The following PCDHGA2 variants were observed in gnomAD, a reference collection of about 807,000 sequenced individuals.
PCDHGA2 encodes protocadherin gamma-A2.
A neutral mutation model predicts 59.2 loss-of-function variants in PCDHGA2; 40 were observed. That is an observed-to-expected ratio of 0.68 (90% CI 0.52 to 0.88). PCDHGA2 has a LOEUF of 0.88. PCDHGA2 is among the 40% of genes least tolerant of loss of function. The pLI is 0.00. For synonymous variants in PCDHGA2, 560 were observed against 526.0 expected, an observed-to-expected ratio of 1.06 and a Z score of -0.89; for missense variants, 1,226 against 1,204.0, an observed-to-expected ratio of 1.02 and a Z score of -0.27.
intron 1 of PCDHGA2, chr5:141,345,772 G>C: frequency 6.2e-7 from 1 of 1,614,084 alleles, no homozygotes. Flanking sequence ...CTGGCGCCTC[G>C]CTCCGCAGAG....
At chr5:141,470,124 G>A (rs1038487398) in intron 1 of PCDHGA2, among the ~76,000 whole-genome samples, 4 of 151,358 alleles carry the variant, frequency 2.6e-5, no homozygotes, top group African/African-American at 9.7e-5. Flanking sequence ...GCAAGACTTC[G>A]TCTCAAAAAA....
At chr5:141,371,591 A>C (rs1767870788) in intron 1 of PCDHGA2, 2 of 1,614,016 alleles carry the variant, frequency 1.2e-6, no homozygotes, top group African/African-American at 2.7e-5. Context: ...AAGATACCAA[A>C]AACACATACA....
chr5:141,414,310 G>C, intron 1 of PCDHGA2: 1 of 1,613,722 alleles, frequency 6.2e-7, no homozygotes, highest in Non-Finnish European at 8.5e-7. Context: ...GCATGATTTA[G>C]ACTCTGAGCA....
At chr5:141,468,077 C>T (rs180732917) in intron 1 of PCDHGA2, among the ~76,000 whole-genome samples, 1 of 152,152 alleles carries the variant, frequency 6.6e-6, no homozygotes, top group East Asian at 1.9e-4. Flanking sequence ...GTAATCCCAG[C>T]ACTTTGGGAG....
intron 1 of PCDHGA2, among the ~76,000 whole-genome samples, chr5:141,492,922 T>C (rs1191111432): frequency 1.3e-5 from 2 of 152,194 alleles, no homozygotes; most frequent in Non-Finnish European, 2.9e-5. Context: ...TGCCCAGCGA[T>C]CTAGGGTCAG....
Position 141,341,281 on chromosome 5 carries a change from C to T in PCDHGA2, c.2310C>T (p.Phe770=), listed in dbSNP as rs1757040602. ...TADSRKSHLI[F]PQPNYADTLI... is the part of the protein sequence containing the mutation. ...ACTCGCGGAAGAGCCACCTGATTTT[C>T]CCCCAGCCCAACTATGCGGACACGC... The change falls in exon 1 of 4, where the codon TTC becomes TTT. Residue 770 remains phenylalanine (F), a synonymous_variant. Transcript: ENST00000394576. 2 of 1,614,232 alleles carry T rather than the reference C, an allele frequency of 1.2e-6. No homozygotes were observed. Among genetic ancestry groups the T allele is most frequent in the Non-Finnish European group, 8.5e-7 (1 of 1,180,046 alleles).
In PCDHGA2 at chr5:141,491,257, G is replaced by A. The variant is rs754721047; in HGVS notation, c.2425-3550G>A. 2 of 1,614,170 alleles carry A rather than the reference G, an allele frequency of 1.2e-6. No individual in the cohort carries two copies. The highest frequency in any genetic ancestry group is 3.3e-5 in the Admixed American group (2 of 60,020). On this transcript the variant is annotated intron_variant, in intron 1 of 3. Coordinates refer to ENST00000394576, the MANE Select transcript of PCDHGA2 (RefSeq NM_018915.4). This position sits in a 1 kb window ranked among gnomAD's most constrained non-coding sequence, Gnocchi z 6.9. ...GGTTCTGGAGGATGAGGACCCTGAG[G>A]AAATGCCCAAATCCAGTGACTTCCT... is the stretch of plus-strand genomic sequence containing the variant.
intron 1 of PCDHGA2, among the ~76,000 whole-genome samples, chr5:141,433,378 T>C (rs1246585250): frequency 6.6e-5 from 10 of 151,072 alleles, no homozygotes. Context: ...TATCTATCTA[T>C]CTATCTATCT....
At chr5:141,453,464 C>A (rs186131587) in intron 1 of PCDHGA2, among the ~76,000 whole-genome samples, 16 of 152,090 alleles carry the variant, frequency 1.1e-4, no homozygotes, top group Non-Finnish European at 1.9e-4. Flanking sequence ...AAAACATTAA[C>A]ATAAAGTCAA....
chr5:141,476,744 C>A lies in PCDHGA2; in HGVS notation c.2425-18063C>A, dbSNP rs1168392300. ...CCTGGACCGAGAACGGGAGCCTAGT[C>A]TCCAGTTAGTGCTGACGGCGTTGGA... On this transcript the variant is annotated intron_variant, in intron 1 of 3. Coordinates refer to ENST00000394576, the MANE Select transcript of PCDHGA2 (RefSeq NM_018915.4). The surrounding 1 kb of genome is among the most constrained non-coding windows in gnomAD (Gnocchi z 7.6). 1.2e-6 allele frequency: 2 copies of A among 1,614,046 alleles called. No individual in the cohort carries two copies. Among genetic ancestry groups the A allele is most frequent in the Admixed American group, 3.3e-5 (2 of 60,034 alleles).
chr5:141,386,593 A>G (rs1350788918), intron 1 of PCDHGA2, among the ~76,000 whole-genome samples: 3 of 151,446 alleles, frequency 2.0e-5, no homozygotes, highest in African/African-American at 7.3e-5. Context: ...TGTGGGGGAT[A>G]CATTTTTTTT....
chr5:141,499,322 T>C (rs1186220818), intron 2 of PCDHGA2, among the ~76,000 whole-genome samples: 1 of 152,218 alleles, frequency 6.6e-6, no homozygotes, highest in Non-Finnish European at 1.5e-5. Context: ...ACAGTATCCC[T>C]GCTCTCTCTC....
chr5:141,359,686 A>G (rs1375097963), intron 1 of PCDHGA2, among the ~76,000 whole-genome samples: 1 of 152,128 alleles, frequency 6.6e-6, no homozygotes, highest in East Asian at 1.9e-4. Context: ...TATACAAGAC[A>G]TATCTCCGGA....
At chr5:141,428,041 TG>T (rs1260865435) in intron 1 of PCDHGA2, 1 of 1,608,448 alleles carries the variant, frequency 6.2e-7, no homozygotes, top group African/African-American at 1.3e-5. Flanking sequence ...GGCTACCTGG[TG>T]ACCAAGGTGG....
At chr5:141,447,437 G>A (rs1435222330) in intron 1 of PCDHGA2, among the ~76,000 whole-genome samples, 3 of 152,128 alleles carry the variant, frequency 2.0e-5, no homozygotes, top group Non-Finnish European at 2.9e-5. Context: ...CGCACCCGGA[G>A]GAAATTTTTA....
At chr5:141,409,262 G>A (rs768196825) in intron 1 of PCDHGA2, 2 of 1,613,834 alleles carry the variant, frequency 1.2e-6, no homozygotes, top group African/African-American at 2.7e-5. Flanking sequence ...TTCTCTCTCT[G>A]ATCAGATTTT....
At position 141,432,952 on chromosome 5, in the gene PCDHGA2, C is replaced by G. The variant is rs2097553312; in HGVS notation, c.2425-61855C>G. ...GCCTGCTGCAGGCTTCAGGAGGCGGCTTGACAGGAGCGCCGGCGTCGCACT... is the reference window on the plus strand; with the variant it reads ...GCCTGCTGCAGGCTTCAGGAGGCGGGTTGACAGGAGCGCCGGCGTCGCACT... On this transcript the variant is annotated intron_variant, in intron 1 of 3. Transcript: ENST00000394576. The surrounding 1 kb of genome is among the most constrained non-coding windows in gnomAD (Gnocchi z 6.0). 1 of 1,614,086 alleles carries G rather than the reference C, an allele frequency of 6.2e-7. No individual in the cohort carries two copies. Among genetic ancestry groups the G allele is most frequent in the South Asian group, 1.1e-5 (1 of 91,090 alleles).
chr5:141,503,894 T>C (rs898125492), intron 2 of PCDHGA2, among the ~76,000 whole-genome samples: 2 of 152,144 alleles, frequency 1.3e-5, no homozygotes, highest in African/African-American at 4.8e-5. Flanking sequence ...CATGACAAAA[T>C]ATGCACACAC....
rs4151696 is a variant in PCDHGA2, at chr5:141,343,700, A to G, written c.2424+2305A>G. The G allele has an allele frequency of 3.6e-3, 768 of 210,972 alleles. 1 individual carries two copies. The highest frequency in any genetic ancestry group is 5.3e-3 in the Non-Finnish European group (572 of 107,392). 13.1% of individuals were successfully genotyped at this position (210,972 alleles called of 1,614,324 possible). A position where few individuals can be genotyped will look rare whatever the true frequency, so the allele number is the denominator to read the frequency against. ...ATCAACACTAGTCCTCTTATCTCTGACAAGAAGGATTTCAGATCTTGGATA... is the reference window on the plus strand; with the variant it reads ...ATCAACACTAGTCCTCTTATCTCTGGCAAGAAGGATTTCAGATCTTGGATA... On this transcript the variant is annotated intron_variant, in intron 1 of 3. Transcript: ENST00000394576.
Sources: allele counts gnomAD v4.1 joint callset (sites outside exome capture counted in the v4.1 genomes callset), GRCh38; gene constraint gnomAD v4.1.1; non-coding constraint Gnocchi (gnomAD v3.1); transcripts MANE v1.5; gene names NCBI Gene and HGNC (gene_info 2026-07-23, HGNC 2026-07-21).